SDCCAG8: variants seen among roughly 807,000 people sequenced by gnomAD.
The protein encoded by SDCCAG8 is SHH signaling and ciliogenesis regulator SDCCAG8, also known as serologically defined colon cancer antigen 8.
Under a neutral mutation model 101.8 loss-of-function variants are expected in SDCCAG8, and 74 were observed. The ratio of observed to expected loss-of-function variants is 0.73; its 90% confidence interval spans 0.60 to 0.88. The LOEUF is 0.88. SDCCAG8 is among the 40% of genes least tolerant of loss of function. The pLI is 0.00. For synonymous variants in SDCCAG8, 281 were observed against 292.9 expected (o/e 0.96, Z 0.41); for missense variants, 787 against 822.6 (o/e 0.96, Z 0.53).
At chr1:243,388,457 G>A (rs1009601297) in intron 13 of SDCCAG8, among the ~76,000 whole-genome samples, 3 of 152,172 alleles carry the variant, frequency 2.0e-5, no homozygotes, top group Non-Finnish European at 2.9e-5. Flanking sequence ...AATAAGGGAA[G>A]AAAGTTTCAC....
intron 6 of SDCCAG8, among the ~76,000 whole-genome samples, chr1:243,301,828 AT>A (rs1333965875): frequency 6.6e-6 from 1 of 152,238 alleles, no homozygotes; most frequent in African/African-American, 2.4e-5. Flanking sequence ...GGAGATTTTA[AT>A]GCCAGCAAAG....
At chr1:243,450,175 A>G (rs549262756) in intron 16 of SDCCAG8, among the ~76,000 whole-genome samples, 7 of 152,340 alleles carry the variant, frequency 4.6e-5, no homozygotes, top group South Asian at 2.1e-4. Context: ...GAGGTCTTCA[A>G]TGTGAACCAT....
chr1:243,391,992 G>A (rs555873633), intron 13 of SDCCAG8, among the ~76,000 whole-genome samples: 6 of 152,296 alleles, frequency 3.9e-5, no homozygotes, highest in East Asian at 3.9e-4. Context: ...CAGGCTGGAC[G>A]TTGCTTGAGC....
intron 16 of SDCCAG8, among the ~76,000 whole-genome samples, chr1:243,441,957 A>C (rs2082563282): frequency 6.6e-6 from 1 of 152,214 alleles, no homozygotes; most frequent in South Asian, 2.1e-4. Flanking sequence ...CTGTGCTGTT[A>C]TAACATCTAT....
chr1:243,294,791 TTATG>T (rs900504232), intron 6 of SDCCAG8, among the ~76,000 whole-genome samples: 6 of 151,412 alleles, frequency 4.0e-5, no homozygotes, highest in African/African-American at 1.5e-4. Flanking sequence ...TTCAATCCTT[TTATG>T]TATGTAACAG....
At chr1:243,279,151 T>C (rs980496584) in intron 4 of SDCCAG8, among the ~76,000 whole-genome samples, 7 of 152,178 alleles carry the variant, frequency 4.6e-5, no homozygotes, top group East Asian at 1.9e-4. Context: ...TGATGTTGAA[T>C]GGTTGTGAGA....
intron 16 of SDCCAG8, among the ~76,000 whole-genome samples, chr1:243,486,202 C>CA (rs57724631): frequency 0.12 from 7,328 of 61,332 alleles, 1,209 homozygotes; most frequent in East Asian, 0.24. Context: ...ACTCTGCCTC[C>CA]AAAAAAAAAA....
intron 9 of SDCCAG8, among the ~76,000 whole-genome samples, chr1:243,330,082 T>C (rs2074478482): frequency 2.6e-5 from 4 of 152,242 alleles, no homozygotes; most frequent in Admixed American, 2.0e-4. Flanking sequence ...TGTGTAATGA[T>C]ATATTCAACA....
chr1:243,439,229 C>G (rs568081284), intron 16 of SDCCAG8, among the ~76,000 whole-genome samples: 2 of 152,108 alleles, frequency 1.3e-5, no homozygotes, highest in Non-Finnish European at 2.9e-5. Context: ...TCATGGCTCA[C>G]TGCAGCCTCA....
intron 9 of SDCCAG8, among the ~76,000 whole-genome samples, chr1:243,321,171 C>T (rs945225504): frequency 2.6e-5 from 4 of 151,876 alleles, no homozygotes; most frequent in African/African-American, 9.7e-5. Flanking sequence ...CTCTGGTGGG[C>T]ACATTTACCT....
chr1:243,279,574 C>T (rs2068859354), intron 4 of SDCCAG8, among the ~76,000 whole-genome samples: 1 of 152,194 alleles, frequency 6.6e-6, no homozygotes, highest in South Asian at 2.1e-4. Context: ...AATCATAAGT[C>T]AAACCATCAC....
intron 14 of SDCCAG8, 137 bp downstream of exon 14, chr1:243,415,966 G>A (rs1352893226): frequency 5.1e-6 from 5 of 980,290 alleles, no homozygotes; most frequent in Non-Finnish European, 7.5e-6. Flanking sequence ...CGGAGATTCC[G>A]AATTACATAT....
At chr1:243,295,340 C>A (rs373765710) in intron 6 of SDCCAG8, among the ~76,000 whole-genome samples, 7 of 152,180 alleles carry the variant, frequency 4.6e-5, no homozygotes, top group African/African-American at 1.7e-4. Context: ...CGGGTGCAAG[C>A]GATTCTCCTG....
chr1:243,307,060 T>G (rs1191482443), intron 7 of SDCCAG8, among the ~76,000 whole-genome samples: 2 of 149,548 alleles, frequency 1.3e-5, no homozygotes, highest in African/African-American at 2.5e-5. Context: ...AGTTTTTTTT[T>G]GTTTTTTTTT....
intron 13 of SDCCAG8, among the ~76,000 whole-genome samples, chr1:243,404,688 A>G (rs2079635488): frequency 6.6e-6 from 1 of 152,186 alleles, no homozygotes; most frequent in African/African-American, 2.4e-5. Context: ...AACTCTAAAA[A>G]TGGACTACAG....
chr1:243,433,216 C>T (rs907384578), intron 16 of SDCCAG8, among the ~76,000 whole-genome samples: 2 of 152,054 alleles, frequency 1.3e-5, no homozygotes, highest in Non-Finnish European at 2.9e-5. Flanking sequence ...AGTCACTGTG[C>T]TAGGCCTGGA....
chr1:243,346,814 T>A (rs540762553), intron 12 of SDCCAG8, among the ~76,000 whole-genome samples: 2 of 152,314 alleles, frequency 1.3e-5, no homozygotes, highest in South Asian at 4.1e-4. Context: ...TGGAGGAGAA[T>A]GTGAAATATG....
chr1:243,281,439 A>G (rs1182482038), intron 4 of SDCCAG8, among the ~76,000 whole-genome samples: 3 of 150,690 alleles, frequency 2.0e-5, no homozygotes, highest in Admixed American at 6.6e-5. Flanking sequence ...CCCAGTTATT[A>G]TAGGCTTCTT....
At chr1:243,494,384 A>AT (rs1230465209) in intron 17 of SDCCAG8, among the ~76,000 whole-genome samples, 1 of 152,192 alleles carries the variant, frequency 6.6e-6, no homozygotes, top group East Asian at 1.9e-4. Context: ...TGACTTGCAT[A>AT]TTTTTTTAAA....
Sources: allele counts gnomAD v4.1 joint callset (sites outside exome capture counted in the v4.1 genomes callset), GRCh38; gene constraint gnomAD v4.1.1; transcripts MANE v1.5; gene names NCBI Gene and HGNC (gene_info 2026-07-23, HGNC 2026-07-21).